MIER3: variants seen among roughly 807,000 people sequenced by gnomAD.
MIER3 encodes mesoderm induction early response protein 3.
Under a neutral mutation model 63.2 loss-of-function variants are expected in MIER3, and 9 were observed. The observed-to-expected ratio is 0.14, with a 90% confidence interval of 0.09 to 0.25. The LOEUF (loss-of-function observed/expected upper bound fraction) is 0.25. Among genes scored for constraint, MIER3 ranks in the 10% least tolerant of loss-of-function variants. The pLI, the probability that MIER3 is intolerant of heterozygous loss-of-function variation, is 1.00. For synonymous variants in MIER3, 205 were observed against 224.9 expected, an observed-to-expected ratio of 0.91 and a Z score of 0.79; for missense variants, 512 against 666.2, an observed-to-expected ratio of 0.77 and a Z score of 2.55.
intron 8 of MIER3, among the ~76,000 whole-genome samples, chr5:56,932,722 T>C (rs557097461): frequency 2.4e-4 from 36 of 152,242 alleles, no homozygotes; most frequent in Non-Finnish European, 5.0e-4. Context: ...CAAATGCTCC[T>C]AAGTCAAATT....
chr5:56,930,329 G>GAA (rs1029037481), intron 9 of MIER3, among the ~76,000 whole-genome samples: 1 of 138,254 alleles, frequency 7.2e-6, no homozygotes, highest in Non-Finnish European at 1.6e-5. Context: ...CTGTCTGGCT[G>GAA]AAAAAAAAAA....
intron 2 of MIER3, among the ~76,000 whole-genome samples, chr5:56,947,442 T>C (rs926959691): frequency 2.6e-5 from 4 of 152,180 alleles, no homozygotes; most frequent in Non-Finnish European, 5.9e-5. Flanking sequence ...ATCAGAAAGA[T>C]TAAATTTCCA....
At chr5:56,946,106 A>G (rs1436963816) in intron 3 of MIER3, among the ~76,000 whole-genome samples, 1 of 152,202 alleles carries the variant, frequency 6.6e-6, no homozygotes, top group Non-Finnish European at 1.5e-5. Flanking sequence ...AAATAAAATA[A>G]TACTCCACTC....
chr5:56,923,027 A>T lies in MIER3; in HGVS notation c.*101T>A. The stretch of plus-strand genomic sequence containing the variant: ...TACATACTGACATCACTGATGTCAT[A>T]GTGAGAAAGGTTCAAACTTCCAGTG... On this transcript the variant is annotated 3_prime_UTR_variant, in exon 13 of 13. Transcript: ENST00000381199. 3 of 865,932 alleles carry T rather than the reference A, an allele frequency of 3.5e-6. No homozygotes were observed. Among genetic ancestry groups the T allele is most frequent in the Non-Finnish European group, 5.4e-6 (3 of 556,960 alleles). The allele number at this position is 865,932 out of a possible 1,614,324, so 53.6% of individuals were successfully genotyped here.
chr5:56,930,905 A>T (rs1269013723), intron 8 of MIER3, among the ~76,000 whole-genome samples, 160 bp from the exon 9 acceptor site: 4 of 152,238 alleles, frequency 2.6e-5, no homozygotes, highest in Non-Finnish European at 5.9e-5. Context: ...CATTTAGTCT[A>T]TATAACTATC....
At chr5:56,951,860 C>A (rs1439724415) in intron 1 of MIER3, among the ~76,000 whole-genome samples, 3 of 150,922 alleles carry the variant, frequency 2.0e-5, no homozygotes, top group African/African-American at 7.3e-5. Context: ...CCCGGCCCGA[C>A]CGGGGCCGGA....
chr5:56,949,571 T>C (rs768111838), intron 2 of MIER3, among the ~76,000 whole-genome samples: 16 of 152,352 alleles, frequency 1.1e-4, no homozygotes, highest in Non-Finnish European at 2.1e-4. Context: ...TAGACAGCTA[T>C]TTTTAAAATA....
chr5:56,926,054 A>G (rs934347826), intron 10 of MIER3, among the ~76,000 whole-genome samples: 4 of 152,124 alleles, frequency 2.6e-5, no homozygotes, highest in African/African-American at 9.7e-5. Context: ...AAAAAAAAAG[A>G]GAAATGAATC....
chr5:56,943,335 TA>T (rs71965607), intron 3 of MIER3, among the ~76,000 whole-genome samples: 153 of 146,064 alleles, frequency 1.0e-3, no homozygotes, highest in Middle Eastern at 3.5e-3. Context: ...TGTGGAAATT[TA>T]AAAAAAAAAA....
At chr5:56,944,686 A>C (rs1347726216) in intron 3 of MIER3, among the ~76,000 whole-genome samples, 3 of 152,250 alleles carry the variant, frequency 2.0e-5, no homozygotes, top group Admixed American at 6.5e-5. Context: ...AATTTGTTTA[A>C]ATGTCTGGTG....
In MIER3 at chr5:56,933,237, T is replaced by C. The variant is rs112813188; in HGVS notation, c.747+10A>G. 5.5e-5 allele frequency: 87 copies of C among 1,573,628 alleles called. 2 individuals are homozygous for C. In the African/African-American group the frequency reaches 6.8e-4, roughly 12 times the overall value. On this transcript the variant is annotated intron_variant, in intron 8 of 12. Transcript: ENST00000381199. ...AACTGGCTGCTGTTTCAACAGAAGC[T>C]GAAGTATACCTGTTCATTGTCCCTT...
intron 2 of MIER3, among the ~76,000 whole-genome samples, chr5:56,950,190 A>C (rs1750970035): frequency 6.6e-6 from 1 of 152,158 alleles, no homozygotes. Flanking sequence ...ATAGACATTT[A>C]ATTATGAAAA....
Position 56,938,963 on chromosome 5 carries a change from T to C in MIER3, c.235A>G (p.Ile79Val), listed in dbSNP as rs1019415882. 15 of 1,614,078 alleles carry C rather than the reference T, an allele frequency of 9.3e-6. No homozygotes were observed. The Admixed American group carries it at 1.0e-4, about 11-fold the overall frequency. ...GCACTGGAATTTGCAACTGCTGGAA[T>C]TGTAGGTTCATAGCCATAGAATGCC... Reference protein sequence around the residue: ...LLAFYGYEPTIPAVANSSANS... With the variant: ...LLAFYGYEPTVPAVANSSANS... Residue 79 changes from isoleucine to valine, a missense_variant, in exon 4 of 13, where the codon ATT becomes GTT. Physicochemically the swap from Ile to Val is conservative, Grantham distance 29. This residue lies in a region of MIER3 where 98 missense variants were observed against 107.4 expected (regional missense o/e 0.91). Transcript: ENST00000381199.
At chr5:56,931,590 T>C (rs1409867648) in intron 8 of MIER3, among the ~76,000 whole-genome samples, 2 of 152,116 alleles carry the variant, frequency 1.3e-5, no homozygotes, top group Non-Finnish European at 1.5e-5. Flanking sequence ...AAACCCATAA[T>C]AGTTATAAAT....
chr5:56,936,640 A>G (rs1331431344), intron 5 of MIER3, among the ~76,000 whole-genome samples: 1 of 152,072 alleles, frequency 6.6e-6, no homozygotes, highest in East Asian at 1.9e-4. Flanking sequence ...CCTCCCAGAT[A>G]GCTGGGACTA....
chr5:56,945,833 A>C (rs1750807084), intron 3 of MIER3, among the ~76,000 whole-genome samples: 3 of 152,222 alleles, frequency 2.0e-5, no homozygotes, highest in African/African-American at 7.2e-5. Flanking sequence ...TCCACTAAAA[A>C]AGATTAAGAG....
At chr5:56,947,266 A>G in intron 2 of MIER3, 195 bp from the exon 3 acceptor site, 1 of 500,738 alleles carries the variant, frequency 2.0e-6, no homozygotes, top group Non-Finnish European at 3.3e-6. Context: ...CAAAATAACA[A>G]GGCAAAGTTA....
intron 10 of MIER3, among the ~76,000 whole-genome samples, chr5:56,926,043 TAAAA>T (rs201015212): frequency 6.7e-6 from 1 of 150,260 alleles, no homozygotes; most frequent in Non-Finnish European, 1.5e-5. Context: ...GACATCCACA[TAAAA>T]AAAAAGAGAA....
chr5:56,947,046 A>G lies in MIER3; in HGVS notation c.60T>C (p.His20=), dbSNP rs1401532371. 6.2e-7 allele frequency: 1 copy of G among 1,609,718 alleles called. No individual in the cohort carries two copies. The highest frequency in any genetic ancestry group is 8.5e-7 in the Non-Finnish European group (1 of 1,178,636). ...ACATCTCAGCAGTGGGGTCAAAATC[A>G]TGATCCTCAGAAGACAAAGACCCAA... ...SPVGSLSSED[H]DFDPTAEMLV... is the part of the protein sequence containing the mutation. The change falls in exon 3 of 13, where the codon CAT becomes CAC. Residue 20 remains histidine, a synonymous_variant. Transcript: ENST00000381199.
Sources: allele counts gnomAD v4.1 joint callset (sites outside exome capture counted in the v4.1 genomes callset), GRCh38; gene constraint gnomAD v4.1.1; regional missense constraint gnomAD v4.1.1; transcripts MANE v1.5; gene names NCBI Gene and HGNC (gene_info 2026-07-23, HGNC 2026-07-21).